Variants in SEMA6A observed in about 807,000 individuals in gnomAD.
The protein encoded by SEMA6A is semaphorin 6A, also known as semaphorin-6A.
SEMA6A carries 25 observed loss-of-function variants against 96.8 expected under a neutral mutation model. That is an observed-to-expected ratio of 0.26 (90% CI 0.19 to 0.36). The LOEUF (loss-of-function observed/expected upper bound fraction) is 0.36, where lower values mean the gene tolerates loss of function less well. SEMA6A is among the 10% of genes least tolerant of loss of function. SEMA6A has a pLI of 1.00. For missense variants in SEMA6A, 1,363 were observed against 1,323.1 expected (o/e 1.03, Z -0.47); for synonymous variants, 612 against 518.0 (o/e 1.18, Z -2.46).
chr5:116,502,615 G>C lies in SEMA6A; in HGVS notation c.101-288C>G, dbSNP rs755948503. 107 of 325,402 alleles carry C rather than the reference G, an allele frequency of 3.3e-4. 1 individual carries two copies. The highest frequency in any genetic ancestry group is 8.5e-5 in the Non-Finnish European group (15 of 176,528). 20.2% of individuals were successfully genotyped at this position (325,402 alleles called of 1,614,324 possible). ...CTCTTTCTCAGGGCTCAACTCGCTA[G>C]TGAACCCTTTGCATGAAGGTGCTCT... On this transcript the variant is annotated intron_variant, in intron 2 of 18. Transcript: ENST00000343348.
chr5:116,447,643 T>C lies in SEMA6A; in HGVS notation c.2063A>G (p.Glu688Gly). 2 of 1,614,024 alleles carry C rather than the reference T, an allele frequency of 1.2e-6. No homozygotes were observed. The highest frequency in any genetic ancestry group is 2.2e-5 in the South Asian group (2 of 91,084). ...RKDVAVVQRK[E>G]KELTHSRRGS... is the part of the protein sequence containing the mutation. Reference sequence around the variant, plus strand: ...CCGGCGCGAGTGGGTGAGCTCCTTCTCCTTGCGCTGCACCACAGCCACGTC... The same window carrying C: ...CCGGCGCGAGTGGGTGAGCTCCTTCCCCTTGCGCTGCACCACAGCCACGTC... Residue 688 changes from glutamate (E) to glycine (G), a missense_variant, in exon 19 of 19, where the codon GAG becomes GGG. This residue lies in a region of SEMA6A where 883 missense variants were observed against 763.6 expected (regional missense o/e 1.16). Coordinates refer to ENST00000343348, the MANE Select transcript of SEMA6A (RefSeq NM_020796.5).
chr5:116,545,351 C>T (rs1000600001), intron 1 of SEMA6A, among the ~76,000 whole-genome samples: 6 of 152,186 alleles, frequency 3.9e-5, no homozygotes, highest in African/African-American at 1.4e-4. Context: ...GGGCGGATCA[C>T]CTGAGGTCAG....
At chr5:116,465,695 T>A (rs545138346) in intron 18 of SEMA6A, among the ~76,000 whole-genome samples, 181 of 152,326 alleles carry the variant, frequency 1.2e-3, no homozygotes, top group Middle Eastern at 3.4e-3. Context: ...CCTCCATTCC[T>A]TGGGGGGAGT....
chr5:116,501,075 G>A (rs1757854540), intron 3 of SEMA6A, among the ~76,000 whole-genome samples: 1 of 152,122 alleles, frequency 6.6e-6, no homozygotes, highest in Non-Finnish European at 1.5e-5. Context: ...GTAGAGCCAG[G>A]AAAGACCACA....
At chr5:116,482,747 A>C (rs1019806764) in intron 10 of SEMA6A, among the ~76,000 whole-genome samples, 172 bp from the exon 11 acceptor site, 2 of 152,214 alleles carry the variant, frequency 1.3e-5, no homozygotes, top group Non-Finnish European at 2.9e-5. Flanking sequence ...CTCTCAATCA[A>C]ATTTGCATCA....
Position 116,574,429 on chromosome 5 carries a change from A to G in SEMA6A, c.-283T>C, listed in dbSNP as rs1580535326. 1.3e-5 allele frequency: 2 copies of G among 152,156 alleles called. No individual in the cohort carries two copies. The highest frequency in any genetic ancestry group is 4.8e-5 in the African/African-American group (2 of 41,450). 9.4% of individuals were successfully genotyped at this position (152,156 alleles called of 1,614,324 possible). A position where few individuals can be genotyped will look rare whatever the true frequency, so the allele number is the denominator to read the frequency against. ...TGACGAGCGGAGAAGGGGAGAGGAA[A>G]AAAGAAGCCAAAAAAAAAAAGAAGA... is the stretch of plus-strand genomic sequence containing the variant. On this transcript the variant is annotated 5_prime_UTR_variant, in exon 1 of 19. Coordinates refer to ENST00000343348, the MANE Select transcript of SEMA6A (RefSeq NM_020796.5).
chr5:116,480,623 A>C (rs1756708740), intron 11 of SEMA6A, among the ~76,000 whole-genome samples: 1 of 152,174 alleles, frequency 6.6e-6, no homozygotes, highest in African/African-American at 2.4e-5. Context: ...ACTTATCCAA[A>C]AAGGCTGCTA....
chr5:116,450,847 T>C (rs980901670), intron 18 of SEMA6A, among the ~76,000 whole-genome samples: 2 of 152,178 alleles, frequency 1.3e-5, no homozygotes, highest in African/African-American at 4.8e-5. Context: ...AGAGAGTAAG[T>C]TGAAAGTGCA....
At chr5:116,572,934 G>A (rs541457803) in intron 1 of SEMA6A, among the ~76,000 whole-genome samples, 75 of 152,260 alleles carry the variant, frequency 4.9e-4, no homozygotes, top group Non-Finnish European at 8.8e-4. Context: ...GGAGGCGCTG[G>A]GCGGAGGGGC....
intron 15 of SEMA6A, among the ~76,000 whole-genome samples, chr5:116,477,433 A>C (rs116482628): frequency 1.0e-3 from 155 of 152,300 alleles, no homozygotes; most frequent in African/African-American, 3.5e-3. Context: ...ATGTTCTGCA[A>C]TTTCTTCTCA....
chr5:116,458,782 A>G (rs1755179217), intron 18 of SEMA6A, among the ~76,000 whole-genome samples: 1 of 152,104 alleles, frequency 6.6e-6, no homozygotes, highest in Non-Finnish European at 1.5e-5. Context: ...ACCTTAGATA[A>G]ATTCAGCAAG....
chr5:116,456,220 C>T (rs1244343568), intron 18 of SEMA6A, among the ~76,000 whole-genome samples: 2 of 152,200 alleles, frequency 1.3e-5, no homozygotes, highest in African/African-American at 4.8e-5. Flanking sequence ...TTAACATCAC[C>T]TGGAACTAAT....
chr5:116,480,262 A>G lies in SEMA6A; in HGVS notation c.1110T>C (p.Ala370=), dbSNP rs749392789. The change falls in exon 12 of 19, where the codon GCT becomes GCC. Residue 370 remains alanine (A), a synonymous_variant. Coordinates refer to ENST00000343348, the MANE Select transcript of SEMA6A (RefSeq NM_020796.5). ...CATATCTTTCTAAGGAGGATGAGCC[A>G]GCACAGCAACCTGGCCTAAAATGAA... ...RVPKPRPGCC[A]GSSSLERYAT... is the part of the protein sequence containing the mutation. The G allele has an allele frequency of 6.2e-7, 1 of 1,613,818 alleles. No individual in the cohort carries two copies. The highest frequency in any genetic ancestry group is 8.5e-7 in the Non-Finnish European group (1 of 1,179,734).
At chr5:116,544,140 T>C (rs6864548) in intron 1 of SEMA6A, among the ~76,000 whole-genome samples, 6,726 of 152,254 alleles carry the variant, frequency 0.044, 494 homozygotes, top group African/African-American at 0.15. Flanking sequence ...TCAAAGTTAG[T>C]GTCTAGGATC....
At chr5:116,531,368 G>A (rs1362849395) in intron 1 of SEMA6A, among the ~76,000 whole-genome samples, 1 of 152,128 alleles carries the variant, frequency 6.6e-6, no homozygotes, top group East Asian at 1.9e-4. Flanking sequence ...GGAATTGTAG[G>A]ACCTGTAGTG....
intron 1 of SEMA6A, among the ~76,000 whole-genome samples, chr5:116,510,143 T>C (rs1211301022): frequency 6.6e-6 from 1 of 152,160 alleles, no homozygotes; most frequent in Admixed American, 6.5e-5. Flanking sequence ...AATCCCAGCA[T>C]GCTATACTGC....
At chr5:116,454,762 T>C (rs1754889304) in intron 18 of SEMA6A, among the ~76,000 whole-genome samples, 1 of 151,726 alleles carries the variant, frequency 6.6e-6, no homozygotes, top group Admixed American at 6.6e-5. Context: ...GCTTGGAGTT[T>C]ATAACTTAAA....
intron 16 of SEMA6A, 21 bp downstream of exon 16, chr5:116,475,524 T>C (rs423834): frequency 0.35 from 550,715 of 1,553,482 alleles, 103,182 homozygotes; most frequent in African/African-American, 0.62. Context: ...AAGATAAAAA[T>C]GGATAAAAGA....
chr5:116,446,755 G>T lies in SEMA6A; in HGVS notation c.2951C>A (p.Ser984Ter). 6.2e-7 allele frequency: 1 copy of T among 1,609,086 alleles called. No individual in the cohort carries two copies. The highest frequency in any genetic ancestry group is 8.5e-7 in the Non-Finnish European group (1 of 1,177,550). The change falls in exon 19 of 19, where the codon TCG becomes TAG. Residue 984 changes from serine (S) to a stop codon, truncating the protein, a stop_gained. Transcript: ENST00000343348. LOFTEE classifies it high-confidence loss of function. ...SQPSGQAVTV[S>*]RQPSLNAYNS... ...GTAGGCGTTGAGGCTGGGCTGCCTC[G>T]AGACAGTCACGGCCTGGCCAGATGG...
Sources: gnomAD v4.1 joint callset for allele counts (sites outside exome capture counted in the v4.1 genomes callset) on GRCh38, gnomAD v4.1.1 for gene constraint, gnomAD v4.1.1 regional missense constraint, MANE v1.5 for transcripts, NCBI Gene and HGNC (gene_info 2026-07-23, HGNC 2026-07-21) for gene names.